The following SEPTIN14 variants were observed in gnomAD, a reference collection of about 807,000 sequenced individuals.
The protein encoded by SEPTIN14 is septin-14.
In SEPTIN14, 40 loss-of-function variants were observed where a neutral mutation model predicts 53.6. The ratio of observed to expected loss-of-function variants is 0.75; its 90% CI spans 0.58 to 0.97. SEPTIN14 has a LOEUF of 0.97. SEPTIN14 is among the 50% of genes least tolerant of loss of function. The pLI is 0.00. For missense variants in SEPTIN14, 471 were observed against 508.2 expected (o/e 0.93, Z 0.70); for synonymous variants, 138 against 166.8 (o/e 0.83, Z 1.33).
In SEPTIN14 at chr7:55,860,473, G is replaced by A. The variant is rs563970771; in HGVS notation, c.54+1470C>T. Among the ~76,000 whole-genome samples the A allele has an allele frequency of 2.6e-5, 4 of 152,222 alleles. No homozygotes were observed. The East Asian group carries it at 7.7e-4, about 29-fold the overall frequency. On this transcript the variant is annotated intron_variant, in intron 2 of 9. Transcript: ENST00000388975. ...ATAAGTTCTGATGTTCTATAGCAGAGTAGGGAGACTATAGTTTATAACAAT... is the reference window on the plus strand; with the variant it reads ...ATAAGTTCTGATGTTCTATAGCAGAATAGGGAGACTATAGTTTATAACAAT...
Position 55,805,345 on chromosome 7 carries a change from T to C in SEPTIN14, c.1032A>G (p.Gln344=). ...FEAKRQEFYD[Q]CQREEEELKQ... is the part of the protein sequence containing the mutation. ...TCAACTCTTCTTCTTCCCTCTGACA[T>C]TGATCATAGAACTCTTGTCTTTTGG... Residue 344 remains glutamine (Q), a synonymous_variant, in exon 9 of 10, where the codon CAA becomes CAG. Transcript: ENST00000388975. 6.2e-7 allele frequency: 1 copy of C among 1,603,392 alleles called. No homozygotes were observed. Among genetic ancestry groups the C allele is most frequent in the Non-Finnish European group, 8.5e-7 (1 of 1,173,572 alleles).
chr7:55,799,860 A>G (rs193274999), intron 9 of SEPTIN14, among the ~76,000 whole-genome samples: 2 of 151,410 alleles, frequency 1.3e-5, no homozygotes, highest in African/African-American at 4.8e-5. Flanking sequence ...GGGAAAGAGT[A>G]GATGTGAATA....
Position 55,830,349 on chromosome 7 carries a change from A to ATATATT in SEPTIN14, c.720+4075_720+4076insAATATA, listed in dbSNP as rs71015108. Among the ~76,000 whole-genome samples the ATATATT allele has an allele frequency of 1.4e-3, 78 of 56,818 alleles. 1 individual carries two copies. Among genetic ancestry groups the ATATATT allele is most frequent in the East Asian group, 7.3e-3 (12 of 1,640 alleles). 37.3% of individuals were successfully genotyped at this position (56,818 alleles called of 152,430 possible). A position where few individuals can be genotyped will look rare whatever the true frequency, so the allele number is the denominator to read the frequency against. ...TATATATATATATATATATATATAT[A>ATATATT]TTTTTTTTTTTTTTTGAGACGGAGT... is the stretch of plus-strand genomic sequence containing the variant. On this transcript the variant is annotated intron_variant, in intron 6 of 9. Transcript: ENST00000388975.
intron 9 of SEPTIN14, among the ~76,000 whole-genome samples, chr7:55,801,187 T>C (rs1247824581): frequency 1.3e-5 from 2 of 150,084 alleles, no homozygotes; most frequent in Non-Finnish European, 3.0e-5. Context: ...AGCAAGAAAA[T>C]AGTAAAAATC....
intron 5 of SEPTIN14, among the ~76,000 whole-genome samples, chr7:55,835,571 T>G (rs1007786258): frequency 2.0e-5 from 3 of 152,192 alleles, no homozygotes; most frequent in Admixed American, 6.6e-5. Context: ...AGAACTTTCC[T>G]CAAAATTGTG....
In SEPTIN14 at chr7:55,794,982, A is replaced by G. The variant is rs998059946; in HGVS notation, c.*931T>C. ...TCTACAACTTTGATAACTTTGGCAT[A>G]TACCCCAAATCTGTAACACATAATA... On this transcript the variant is annotated 3_prime_UTR_variant, in exon 10 of 10. Transcript: ENST00000388975. 6.6e-6 allele frequency: 1 copy of G among 152,104 alleles called. No individual in the cohort carries two copies. The highest frequency in any genetic ancestry group is 2.4e-5 in the African/African-American group (1 of 41,418). The allele number at this position is 152,104 out of a possible 1,614,324, so 9.4% of individuals were successfully genotyped here.
chr7:55,825,022 C>T (rs779562369), intron 6 of SEPTIN14, among the ~76,000 whole-genome samples: 11 of 152,150 alleles, frequency 7.2e-5, no homozygotes, highest in South Asian at 4.1e-4. Flanking sequence ...TGAAAACTTG[C>T]GTCCATACAA....
At chr7:55,813,473 A>C (rs1788740694) in intron 7 of SEPTIN14, among the ~76,000 whole-genome samples, 1 of 152,112 alleles carries the variant, frequency 6.6e-6, no homozygotes, top group African/African-American at 2.4e-5. Context: ...ACCCAGCAAG[A>C]CACCAGTTTT....
chr7:55,824,785 A>G (rs1321318139), intron 6 of SEPTIN14, among the ~76,000 whole-genome samples: 1 of 151,476 alleles, frequency 6.6e-6, no homozygotes, highest in Non-Finnish European at 1.5e-5. Flanking sequence ...ATGAGACTCC[A>G]TCTCAAAAAA....
intron 6 of SEPTIN14, among the ~76,000 whole-genome samples, chr7:55,831,032 T>G (rs1789100653): frequency 6.6e-6 from 1 of 152,104 alleles, no homozygotes; most frequent in Non-Finnish European, 1.5e-5. Flanking sequence ...AAATTACCAA[T>G]ATCATTTTTT....
rs1788384568 is a variant in SEPTIN14 at position 55,794,030 on chromosome 7, A to T, written c.*1883T>A. ...AAAGTTATATGGAAAACCAACACTA[A>T]TTTTTTTTAGAAAAAATTATGGAAA... is the stretch of plus-strand genomic sequence containing the variant. On this transcript the variant is annotated 3_prime_UTR_variant, in exon 10 of 10. Coordinates refer to ENST00000388975, the MANE Select transcript of SEPTIN14 (RefSeq NM_207366.3). 1 of 151,930 alleles carries T rather than the reference A, an allele frequency of 6.6e-6. No homozygotes were observed. Among genetic ancestry groups the T allele is most frequent in the African/African-American group, 2.4e-5 (1 of 41,414 alleles). The allele number at this position is 151,930 out of a possible 1,614,324, so 9.4% of individuals were successfully genotyped here.
chr7:55,844,460 C>A, intron 4 of SEPTIN14, 63 bp downstream of exon 4: 2 of 862,610 alleles, frequency 2.3e-6, no homozygotes, highest in South Asian at 2.8e-5. Context: ...TAGTCTATGG[C>A]AAAGGAAGTC....
chr7:55,817,476 ATT>A (rs938944299), intron 7 of SEPTIN14, among the ~76,000 whole-genome samples: 1 of 143,772 alleles, frequency 7.0e-6, no homozygotes, highest in East Asian at 2.0e-4. Context: ...ATATATATAT[ATT>A]TTTTTTTTTT....
At chr7:55,840,749 G>A (rs1368891256) in intron 5 of SEPTIN14, among the ~76,000 whole-genome samples, 1 of 152,072 alleles carries the variant, frequency 6.6e-6, no homozygotes. Flanking sequence ...AACAGAAAAA[G>A]ATAATTAGGA....
chr7:55,839,391 GAAA>G (rs749527309), intron 5 of SEPTIN14, among the ~76,000 whole-genome samples: 1 of 82,574 alleles, frequency 1.2e-5, no homozygotes. Context: ...CTCCGTCTCA[GAAA>G]AAAAAAAAAA....
chr7:55,858,648 T>C (rs1789689848), intron 2 of SEPTIN14, among the ~76,000 whole-genome samples: 1 of 151,664 alleles, frequency 6.6e-6, no homozygotes, highest in African/African-American at 2.4e-5. Flanking sequence ...CCACTAAAAA[T>C]ACAAAATTAG....
At chr7:55,817,695 C>A (rs1788819484) in intron 7 of SEPTIN14, among the ~76,000 whole-genome samples, 1 of 151,992 alleles carries the variant, frequency 6.6e-6, no homozygotes, top group Non-Finnish European at 1.5e-5. Context: ...TGGTCTCAAT[C>A]TCCTGACCTC....
Position 55,819,195 on chromosome 7 carries a change from C to T in SEPTIN14, c.749G>A (p.Ser250Asn). ...TTTTCCAACTTTCACTTCATCTGTA[C>T]TCCCTACCACAGCAAAGGGTAACAG... ...SGLLPFAVVG[S>N]TDEVKVGKRM... Residue 250 changes from serine to asparagine, a missense_variant, in exon 7 of 10, where the codon AGT (serine) becomes AAT (asparagine). Transcript: ENST00000388975. 6.3e-7 allele frequency: 1 copy of T among 1,576,894 alleles called. No homozygotes were observed. Among genetic ancestry groups the T allele is most frequent in the Non-Finnish European group, 8.6e-7 (1 of 1,160,104 alleles).
At chr7:55,834,025 C>T (rs373118121) in intron 6 of SEPTIN14, among the ~76,000 whole-genome samples, 1 of 151,948 alleles carries the variant, frequency 6.6e-6, no homozygotes, top group Non-Finnish European at 1.5e-5. Context: ...AGACCAATAA[C>T]AAATAGAGAA....
Sources: gnomAD v4.1 joint callset for allele counts (sites outside exome capture counted in the v4.1 genomes callset) on GRCh38, gnomAD v4.1.1 for gene constraint, MANE v1.5 for transcripts, NCBI Gene and HGNC (gene_info 2026-07-23, HGNC 2026-07-21) for gene names.